The following PCDH15 variants were observed in gnomAD, a reference collection of about 807,000 sequenced individuals.
The protein encoded by PCDH15 is protocadherin-15.
A neutral mutation model predicts 178.5 loss-of-function variants in PCDH15; 129 were observed. The observed-to-expected ratio is 0.72, with a 90% CI of 0.63 to 0.84. PCDH15 has a LOEUF of 0.84. PCDH15 is among the 40% of genes least tolerant of loss of function. The probability of loss-of-function intolerance (pLI) is 0.00; values close to 1 mark genes in which losing one functional copy is unlikely to be tolerated. For synonymous variants in PCDH15, 800 were observed against 732.0 expected (o/e 1.09, Z -1.50); for missense variants, 2,230 against 2,099.9 (o/e 1.06, Z -1.21).
intron 3 of PCDH15, among the ~76,000 whole-genome samples, chr10:54,854,869 G>C (rs545068718): frequency 1.3e-5 from 2 of 152,268 alleles, no homozygotes; most frequent in South Asian, 4.1e-4. Flanking sequence ...CCTGAAGGTG[G>C]GGCATTACTG....
chr10:54,012,298 G>A (rs1347168741), intron 20 of PCDH15, among the ~76,000 whole-genome samples: 1 of 151,988 alleles, frequency 6.6e-6, no homozygotes, highest in African/African-American at 2.4e-5. Flanking sequence ...ATTATGTGAA[G>A]AGACCAGATC....
At chr10:53,838,256 T>C (rs1460335464) in intron 29 of PCDH15, among the ~76,000 whole-genome samples, 1 of 152,122 alleles carries the variant, frequency 6.6e-6, no homozygotes, top group African/African-American at 2.4e-5. Context: ...ATTACAGGCG[T>C]GAGCTACCGC....
Position 54,378,818 on chromosome 10 carries a change from A to G in PCDH15, c.282T>C (p.Leu94=), listed in dbSNP as rs1948817425. The change falls in exon 4 of 38, where the codon CTT becomes CTC. Residue 94 remains leucine (L), a synonymous_variant. Transcript: ENST00000644397. The stretch of plus-strand genomic sequence containing the variant: ...GAACTCTTCCGGTGCTGTTCAGGAA[A>G]AGCATTTGCTTAACAGGATCCATCA... The part of the protein sequence containing the change: ...WVLMDPVKQM[L]FLNSTGRVLD... 6.2e-7 allele frequency: 1 copy of G among 1,613,894 alleles called. No individual in the cohort carries two copies. Among genetic ancestry groups the G allele is most frequent in the African/African-American group, 1.3e-5 (1 of 75,012 alleles).
chr10:53,997,548 T>C (rs180817878), intron 20 of PCDH15, among the ~76,000 whole-genome samples: 1 of 152,206 alleles, frequency 6.6e-6, no homozygotes, highest in East Asian at 1.9e-4. Context: ...TATTTTATTC[T>C]CAGGGGAAAT....
Position 55,604,392 on chromosome 10 carries a change from G to T in PCDH15, c.-156+23233C>A, listed in dbSNP as rs529329413. Among the ~76,000 whole-genome samples, 8 of 151,826 alleles carry T rather than the reference G, an allele frequency of 5.3e-5. No individual in the cohort carries two copies. In the South Asian group the frequency reaches 1.7e-3, roughly 32 times the overall value. ...ATTGAACTCAGCTCTGCACCAAGCG[G>T]ACCTAATAGACAGCTACAGAACTCT... On this transcript the variant is annotated intron_variant, in intron 2 of 5. Transcript: ENST00000613346.
chr10:55,137,342 A>T (rs1306878666), intron 2 of PCDH15, among the ~76,000 whole-genome samples: 1 of 152,182 alleles, frequency 6.6e-6, no homozygotes, highest in Non-Finnish European at 1.5e-5. Context: ...TACCTCAAAT[A>T]ATCAGTATAG....
chr10:53,922,747 C>A (rs1435545568), intron 25 of PCDH15, among the ~76,000 whole-genome samples: 4 of 152,080 alleles, frequency 2.6e-5, no homozygotes, highest in African/African-American at 9.7e-5. Flanking sequence ...CAAAACTGAA[C>A]CACTAAACTG....
intron 13 of PCDH15, among the ~76,000 whole-genome samples, chr10:54,179,536 T>A (rs2047777188): frequency 1.3e-5 from 2 of 151,912 alleles, no homozygotes; most frequent in Non-Finnish European, 2.9e-5. Flanking sequence ...AACCTGCACA[T>A]TGTGCACATG....
intron 2 of PCDH15, among the ~76,000 whole-genome samples, chr10:55,609,311 G>T (rs2132157721): frequency 6.6e-6 from 1 of 152,212 alleles, no homozygotes; most frequent in East Asian, 1.9e-4. Flanking sequence ...GGCAGCTCCA[G>T]CATTACAAGT....
intron 6 of PCDH15, among the ~76,000 whole-genome samples, chr10:54,343,436 T>A (rs894676874): frequency 6.6e-6 from 1 of 152,192 alleles, no homozygotes; most frequent in Non-Finnish European, 1.5e-5. Flanking sequence ...CATTTGGAAC[T>A]GTGAGTCATT....
chr10:54,006,208 C>T (rs1220987627), intron 20 of PCDH15, among the ~76,000 whole-genome samples: 1 of 152,080 alleles, frequency 6.6e-6, no homozygotes, highest in Non-Finnish European at 1.5e-5. Flanking sequence ...AGTCCTAAAA[C>T]TCTAGAATAG....
chr10:55,364,281 T>C (rs985407200), intron 2 of PCDH15, among the ~76,000 whole-genome samples: 1 of 152,188 alleles, frequency 6.6e-6, no homozygotes, highest in Non-Finnish European at 1.5e-5. Flanking sequence ...CAGGCAGTTC[T>C]TCATAGCAGT....
intron 2 of PCDH15, among the ~76,000 whole-genome samples, chr10:55,061,761 C>CT (rs1314802543): frequency 6.6e-6 from 1 of 152,176 alleles, no homozygotes; most frequent in Non-Finnish European, 1.5e-5. Context: ...TGGCTTACGC[C>CT]TGTAATCCCA....
At chr10:55,334,100 C>T (rs1844288656) in intron 2 of PCDH15, among the ~76,000 whole-genome samples, 1 of 149,630 alleles carries the variant, frequency 6.7e-6, no homozygotes, top group African/African-American at 2.5e-5. Flanking sequence ...CACTTCAAGC[C>T]CTAGGTATAG....
intron 8 of PCDH15, among the ~76,000 whole-genome samples, chr10:54,302,767 G>A (rs926281192): frequency 6.6e-5 from 10 of 152,054 alleles, no homozygotes; most frequent in African/African-American, 2.2e-4. Context: ...TACTCTAGTA[G>A]GTCGCTCCTC....
intron 2 of PCDH15, among the ~76,000 whole-genome samples, chr10:54,927,817 G>C (rs1837671555): frequency 6.6e-6 from 1 of 151,780 alleles, no homozygotes; most frequent in Non-Finnish European, 1.5e-5. Context: ...TTTACTTTGA[G>C]CCTGTGGGTA....
intron 8 of PCDH15, among the ~76,000 whole-genome samples, chr10:54,270,658 G>T: frequency 6.6e-6 from 1 of 152,082 alleles, no homozygotes; most frequent in East Asian, 1.9e-4. Flanking sequence ...AACTTACATG[G>T]TGCAAAATAA....
intron 2 of PCDH15, among the ~76,000 whole-genome samples, chr10:54,601,810 C>T (rs893248802): frequency 6.6e-6 from 1 of 151,972 alleles, no homozygotes; most frequent in African/African-American, 2.4e-5. Flanking sequence ...AGAATGAGAC[C>T]ATGTCCTTTG....
At chr10:55,324,540 A>T (rs1843982417), upstream of PCDH15, among the ~76,000 whole-genome samples, 1 of 152,200 alleles carries the variant, frequency 6.6e-6, no homozygotes, top group Admixed American at 6.5e-5. Flanking sequence ...TATCCTAAAT[A>T]GGCATGCACC....
Sources: allele counts gnomAD v4.1 joint callset (sites outside exome capture counted in the v4.1 genomes callset), GRCh38; gene constraint gnomAD v4.1.1; transcripts MANE v1.5; gene names NCBI Gene and HGNC (gene_info 2026-07-23, HGNC 2026-07-21).